Variants in TTC28 observed in about 807,000 individuals in gnomAD.
TTC28 encodes the protein tetratricopeptide repeat protein 28.
Under a neutral mutation model 198.0 loss-of-function variants are expected in TTC28, and 61 were observed. The ratio of observed to expected loss-of-function variants is 0.31; its 90% CI spans 0.25 to 0.38. The LOEUF (loss-of-function observed/expected upper bound fraction) is 0.38. Among genes scored for constraint, TTC28 ranks in the 10% least tolerant of loss-of-function variants. TTC28 has a pLI of 1.00. For missense variants in TTC28, 2,678 were observed against 3,164.0 expected (o/e 0.85, Z 3.69); for synonymous variants, 1,171 against 1,297.8 (o/e 0.90, Z 2.10).
At chr22:28,539,578 G>A (rs544780025) in intron 2 of TTC28, among the ~76,000 whole-genome samples, 2 of 152,024 alleles carry the variant, frequency 1.3e-5, no homozygotes, top group South Asian at 4.2e-4. Context: ...TGAGGCTGCA[G>A]TGAACCGTGA....
intron 2 of TTC28, among the ~76,000 whole-genome samples, chr22:28,520,618 C>T (rs1332828021): frequency 6.6e-6 from 1 of 152,126 alleles, no homozygotes; most frequent in Non-Finnish European, 1.5e-5. Context: ...ATCAGCCAGG[C>T]ATGGTGGCAT....
chr22:28,080,419 C>T (rs554293367), intron 12 of TTC28, among the ~76,000 whole-genome samples: 109 of 152,302 alleles, frequency 7.2e-4, no homozygotes, highest in African/African-American at 2.4e-3. Flanking sequence ...TGTTGATTTG[C>T]ATTTCGCTGA....
chr22:28,028,239 G>C (rs565392841), intron 13 of TTC28, among the ~76,000 whole-genome samples: 1 of 152,224 alleles, frequency 6.6e-6, no homozygotes, highest in East Asian at 1.9e-4. Flanking sequence ...TGCAAGCTCC[G>C]GGGCTGTGGG....
Position 28,140,934 on chromosome 22 carries a change from AGAGGAGGAG to A in TTC28, c.1441+22149_1441+22157del, listed in dbSNP as rs57274885. 1.5e-4 allele frequency among the ~76,000 whole-genome samples: 22 copies of A among 151,028 alleles called. No homozygotes were observed. The East Asian group carries it at 3.7e-3, about 25-fold the overall frequency. On this transcript the variant is annotated intron_variant, in intron 6 of 22. Transcript: ENST00000397906. The stretch of plus-strand genomic sequence containing the variant: ...TGTAGTAACCTTTAAATGCAAAGGA[AGAGGAGGAG>A]GAGGAGGAGGAGGAGGAAGAAAAGG...
At chr22:28,414,128 TAA>T (rs1569312581) in intron 2 of TTC28, among the ~76,000 whole-genome samples, 6 of 152,226 alleles carry the variant, frequency 3.9e-5, no homozygotes, top group African/African-American at 1.4e-4. Flanking sequence ...ACATTTGAAA[TAA>T]GTCTTCATTT....
chr22:28,228,377 T>C (rs1928512073), intron 5 of TTC28, among the ~76,000 whole-genome samples: 1 of 152,216 alleles, frequency 6.6e-6, no homozygotes, highest in Non-Finnish European at 1.5e-5. Context: ...TTGTTATGTA[T>C]GTTTTACCAC....
Position 28,674,803 on chromosome 22 carries a change from C to A in TTC28, c.102+4819G>T, listed in dbSNP as rs532651636. Among the ~76,000 whole-genome samples the A allele has an allele frequency of 5.7e-4, 73 of 127,720 alleles. 1 individual carries two copies. Among genetic ancestry groups the A allele is most frequent in the Admixed American group, 1.2e-3 (13 of 10,762 alleles). 83.8% of individuals were successfully genotyped at this position (127,720 alleles called of 152,430 possible). On this transcript the variant is annotated intron_variant, in intron 1 of 22. Coordinates refer to ENST00000397906, the MANE Select transcript of TTC28 (RefSeq NM_001145418.2). ...CACTGCACTCCAGCCTGGGCGATGG[C>A]GAGACTCTGTCTCCAAAAAAAAAAA...
chr22:28,109,611 G>C (rs753202557), intron 6 of TTC28, among the ~76,000 whole-genome samples: 15 of 152,314 alleles, frequency 9.8e-5, no homozygotes, highest in Non-Finnish European at 1.8e-4. Flanking sequence ...AAAAAAGTGA[G>C]TTATATCATA....
At chr22:28,437,105 CAG>C (rs1199504085) in intron 2 of TTC28, among the ~76,000 whole-genome samples, 2 of 151,768 alleles carry the variant, frequency 1.3e-5, no homozygotes, top group Non-Finnish European at 2.9e-5. Context: ...TTTTTTGAGA[CAG>C]AGTCTCGCTC....
intron 1 of TTC28, among the ~76,000 whole-genome samples, chr22:28,647,591 G>C (rs1007691739): frequency 1.3e-5 from 2 of 152,188 alleles, no homozygotes; most frequent in African/African-American, 4.8e-5. Flanking sequence ...TGTAATCTCA[G>C]CACTTTGGGA....
intron 2 of TTC28, among the ~76,000 whole-genome samples, chr22:28,539,937 C>CTTTTTTTTT (rs34198666): frequency 1.2e-5 from 1 of 84,588 alleles, no homozygotes; most frequent in Non-Finnish European, 2.3e-5. Flanking sequence ...CCTCAGGAAG[C>CTTTTTTTTT]TTTTTTTTTT....
At chr22:28,351,072 A>C (rs1252694692) in intron 2 of TTC28, among the ~76,000 whole-genome samples, 1 of 152,082 alleles carries the variant, frequency 6.6e-6, no homozygotes, top group Non-Finnish European at 1.5e-5. Flanking sequence ...AGTCCCAGCT[A>C]CTTGGGAGAC....
chr22:28,076,085 C>T (rs1941157026), intron 12 of TTC28, among the ~76,000 whole-genome samples: 1 of 152,126 alleles, frequency 6.6e-6, no homozygotes, highest in African/African-American at 2.4e-5. Flanking sequence ...AAAATAAGTG[C>T]CAAAATATAT....
chr22:28,085,371 A>G (rs1474537854), intron 12 of TTC28, among the ~76,000 whole-genome samples: 1 of 152,100 alleles, frequency 6.6e-6, no homozygotes, highest in Non-Finnish European at 1.5e-5. Flanking sequence ...ATTCTTAAAG[A>G]AAAGAATTTT....
chr22:28,181,691 T>C (rs1569182853), intron 5 of TTC28, among the ~76,000 whole-genome samples: 1 of 152,190 alleles, frequency 6.6e-6, no homozygotes, highest in Non-Finnish European at 1.5e-5. Flanking sequence ...AGGAAATAAA[T>C]GTTACTCCTT....
At chr22:28,625,704 T>C (rs2146196290) in intron 2 of TTC28, among the ~76,000 whole-genome samples, 1 of 152,176 alleles carries the variant, frequency 6.6e-6, no homozygotes, top group East Asian at 1.9e-4. Context: ...ACAACTTATA[T>C]AAAAATGCAA....
chr22:28,378,456 T>C (rs1310554594), intron 2 of TTC28, among the ~76,000 whole-genome samples: 1 of 151,032 alleles, frequency 6.6e-6, no homozygotes, highest in South Asian at 2.1e-4. Context: ...GCCCAGGAGT[T>C]TGAGACCAGC....
chr22:28,190,350 C>A (rs1265520126), intron 5 of TTC28, among the ~76,000 whole-genome samples: 1 of 152,202 alleles, frequency 6.6e-6, no homozygotes, highest in East Asian at 1.9e-4. Context: ...CCAAGGCCAT[C>A]CAATTAGTAA....
intron 2 of TTC28, among the ~76,000 whole-genome samples, chr22:28,584,155 T>C (rs2146067599): frequency 6.6e-6 from 1 of 152,258 alleles, no homozygotes; most frequent in African/African-American, 2.4e-5. Context: ...GACCATGTTT[T>C]TTTCTTCTGA....
Sources: gnomAD v4.1 joint callset for allele counts (sites outside exome capture counted in the v4.1 genomes callset) on GRCh38, gnomAD v4.1.1 for gene constraint, MANE v1.5 for transcripts, NCBI Gene and HGNC (gene_info 2026-07-23, HGNC 2026-07-21) for gene names.